The following SDK1 variants were observed in gnomAD, a reference collection of about 807,000 sequenced individuals.
SDK1 encodes sidekick cell adhesion molecule 1, also known as protein sidekick-1.
A neutral mutation model predicts 245.5 loss-of-function variants in SDK1; 157 were observed. The ratio of observed to expected loss-of-function variants is 0.64; its 90% CI spans 0.56 to 0.73. SDK1 has a LOEUF of 0.73. Among genes scored for constraint, SDK1 ranks in the 30% least tolerant of loss-of-function variants. SDK1 has a pLI of 0.00. For synonymous variants in SDK1, 1,647 were observed against 1,278.5 expected, an observed-to-expected ratio of 1.29 and a Z score of -6.15; for missense variants, 3,583 against 3,002.3, an observed-to-expected ratio of 1.19 and a Z score of -4.52.
chr7:4,136,663 A>T (rs1779114750), intron 28 of SDK1, among the ~76,000 whole-genome samples: 1 of 152,220 alleles, frequency 6.6e-6, no homozygotes, highest in African/African-American at 2.4e-5. Flanking sequence ...CTGACACCAC[A>T]TGGCCTTGAC....
At chr7:4,224,112 G>A (rs867535035) in intron 40 of SDK1, among the ~76,000 whole-genome samples, 23 of 152,294 alleles carry the variant, frequency 1.5e-4, no homozygotes, top group African/African-American at 4.3e-4. Flanking sequence ...CTGGAGACAC[G>A]AGTTCCCAGG....
chr7:3,951,620 G>T (rs1243166914), intron 6 of SDK1, 110 bp from the exon 7 acceptor site: 10 of 897,748 alleles, frequency 1.1e-5, no homozygotes, highest in African/African-American at 1.7e-5. Context: ...AACCCACCAT[G>T]CACCCTGGTA....
chr7:3,708,006 T>TA (rs1562386537), intron 4 of SDK1, among the ~76,000 whole-genome samples: 2 of 152,172 alleles, frequency 1.3e-5, no homozygotes, highest in Non-Finnish European at 2.9e-5. Flanking sequence ...TATTTTTTTT[T>TA]AAAAAGAGGT....
At chr7:3,405,814 CTTTTTTTT>C (rs534692477) in intron 1 of SDK1, among the ~76,000 whole-genome samples, 3 of 125,392 alleles carry the variant, frequency 2.4e-5, no homozygotes, top group Non-Finnish European at 3.3e-5. Context: ...TTCTTTCTTT[CTTTTTTTT>C]TTTTTTTTTT....
chr7:4,214,880 A>G (rs1454369019), intron 38 of SDK1, among the ~76,000 whole-genome samples: 1 of 152,188 alleles, frequency 6.6e-6, no homozygotes, highest in African/African-American at 2.4e-5. Flanking sequence ...GTCTGCAGGC[A>G]CCATCATCCG....
At chr7:3,829,893 C>G (rs73310049) in intron 5 of SDK1, among the ~76,000 whole-genome samples, 1,663 of 152,260 alleles carry the variant, frequency 0.011, 25 homozygotes, top group African/African-American at 0.038. Context: ...CACGTTTGGG[C>G]GGACAGCAAA....
intron 4 of SDK1, among the ~76,000 whole-genome samples, chr7:3,676,064 C>G (rs1010618488): frequency 1.3e-5 from 2 of 152,220 alleles, no homozygotes; most frequent in South Asian, 2.1e-4. Flanking sequence ...CTCCCAGGCT[C>G]AAGCGATTCT....
intron 1 of SDK1, among the ~76,000 whole-genome samples, chr7:3,399,289 G>A (rs975112977): frequency 6.6e-6 from 1 of 151,870 alleles, no homozygotes; most frequent in Non-Finnish European, 1.5e-5. Flanking sequence ...CAATTCCAGA[G>A]TTTTAATTTT....
At chr7:3,817,463 G>A (rs1779537927) in intron 4 of SDK1, among the ~76,000 whole-genome samples, 1 of 152,198 alleles carries the variant, frequency 6.6e-6, no homozygotes, top group Non-Finnish European at 1.5e-5. Flanking sequence ...CTCCAGTGGT[G>A]ATCAGGGTGA....
intron 1 of SDK1, among the ~76,000 whole-genome samples, chr7:3,357,320 C>G (rs150286462): frequency 0.01 from 810 of 77,332 alleles, 13 homozygotes; most frequent in African/African-American, 0.034. Context: ...TGCTCCCCTT[C>G]TTTTAGTGTT....
intron 1 of SDK1, among the ~76,000 whole-genome samples, chr7:3,418,170 AGC>A (rs1779432546): frequency 2.1e-5 from 3 of 141,944 alleles, no homozygotes; most frequent in Non-Finnish European, 3.1e-5. Flanking sequence ...AAAAAAAAAT[AGC>A]TGAGCTGGGT....
At chr7:4,262,715 C>G (rs1243038356) in intron 44 of SDK1, among the ~76,000 whole-genome samples, 1 of 138,586 alleles carries the variant, frequency 7.2e-6, no homozygotes, top group Non-Finnish European at 1.6e-5. Flanking sequence ...TCACCTCCCC[C>G]ATCCCCTCCC....
chr7:4,070,792 C>T (rs1780205576), intron 20 of SDK1, among the ~76,000 whole-genome samples: 1 of 151,926 alleles, frequency 6.6e-6, no homozygotes, highest in Non-Finnish European at 1.5e-5. Flanking sequence ...TCACTGCAAC[C>T]TCTGCCTCCT....
chr7:4,136,941 C>T (rs1252150460), intron 28 of SDK1, among the ~76,000 whole-genome samples: 2 of 152,228 alleles, frequency 1.3e-5, no homozygotes, highest in African/African-American at 4.8e-5. Flanking sequence ...CCAGCGTGGG[C>T]GTCCTGGGGC....
intron 1 of SDK1, among the ~76,000 whole-genome samples, chr7:3,592,271 G>C (rs1282579676): frequency 6.6e-6 from 1 of 152,130 alleles, no homozygotes; most frequent in Non-Finnish European, 1.5e-5. Context: ...TATCGTAAAA[G>C]ATTATGTGCC....
At chr7:3,832,434 C>T (rs78689902) in intron 5 of SDK1, among the ~76,000 whole-genome samples, 5,984 of 152,144 alleles carry the variant, frequency 0.039, 390 homozygotes, top group African/African-American at 0.13. Context: ...TCATTGTAAA[C>T]GATGTTCTTT....
At chr7:4,220,515 GT>G (rs34675135) in intron 39 of SDK1, among the ~76,000 whole-genome samples, 101 of 140,536 alleles carry the variant, frequency 7.2e-4, no homozygotes, top group East Asian at 1.7e-3. Flanking sequence ...AGTTTTAGTT[GT>G]TTTTTTTTTT....
At chr7:4,251,109 C>T (rs1787265418) in intron 44 of SDK1, among the ~76,000 whole-genome samples, 1 of 152,152 alleles carries the variant, frequency 6.6e-6, no homozygotes, top group Non-Finnish European at 1.5e-5. Context: ...TATGTTGTAG[C>T]ACATATCAGT....
At chr7:3,432,133 A>ATG (rs1313530674) in intron 1 of SDK1, among the ~76,000 whole-genome samples, 1 of 147,678 alleles carries the variant, frequency 6.8e-6, no homozygotes, top group East Asian at 1.9e-4. Context: ...AAATATATAT[A>ATG]TGTATTTTAT....
Sources: gnomAD v4.1 joint callset for allele counts (sites outside exome capture counted in the v4.1 genomes callset) on GRCh38, gnomAD v4.1.1 for gene constraint, MANE v1.5 for transcripts, NCBI Gene and HGNC (gene_info 2026-07-23, HGNC 2026-07-21) for gene names.